Variants in ATRNL1 observed in about 807,000 individuals in gnomAD.
ATRNL1 encodes the protein attractin like 1, also known as attractin-like protein 1.
Under a neutral mutation model 182.7 loss-of-function variants are expected in ATRNL1, and 95 were observed. The ratio of observed to expected loss-of-function variants is 0.52; its 90% CI spans 0.44 to 0.62. The LOEUF (loss-of-function observed/expected upper bound fraction) is 0.62, where lower values mean the gene tolerates loss of function less well. Ranked by LOEUF, ATRNL1 falls within the 20% of genes least tolerant of loss-of-function variation. ATRNL1 has a pLI of 0.00. For synonymous variants in ATRNL1, 576 were observed against 568.3 expected (o/e 1.01, Z -0.19); for missense variants, 1,471 against 1,679.5 (o/e 0.88, Z 2.17).
At chr10:115,454,374 A>G (rs753812433) in intron 21 of ATRNL1, among the ~76,000 whole-genome samples, 1 of 151,852 alleles carries the variant, frequency 6.6e-6, no homozygotes, top group Non-Finnish European at 1.5e-5. Context: ...AATCGTTTTG[A>G]CTATTTGGGT....
At chr10:115,823,483 A>G (rs2134289203) in intron 27 of ATRNL1, among the ~76,000 whole-genome samples, 1 of 152,346 alleles carries the variant, frequency 6.6e-6, no homozygotes, top group East Asian at 1.9e-4. Flanking sequence ...AGAGGAAGTC[A>G]TATTGTCTGC....
Position 115,908,542 on chromosome 10 carries a change from G to A in ATRNL1, c.4019-36116G>A, listed in dbSNP as rs540053669. Among the ~76,000 whole-genome samples, 4 of 152,214 alleles carry A rather than the reference G, an allele frequency of 2.6e-5. No individual in the cohort carries two copies. In the South Asian group the frequency reaches 8.3e-4, roughly 32 times the overall value. On this transcript the variant is annotated intron_variant, in intron 28 of 28. Coordinates refer to ENST00000355044, the MANE Select transcript of ATRNL1 (RefSeq NM_207303.4). ...ACATTGGTCCCACCCAGGTTGTCCA[G>A]GATAATCTCTCCATCTGAAGGTCCT...
intron 26 of ATRNL1, among the ~76,000 whole-genome samples, chr10:115,587,404 C>T (rs1367453525): frequency 6.6e-5 from 10 of 151,808 alleles, no homozygotes; most frequent in African/African-American, 2.2e-4. Flanking sequence ...TGCTAGCAAT[C>T]AGTGAGACTC....
intron 25 of ATRNL1, among the ~76,000 whole-genome samples, chr10:115,521,138 TTTG>T (rs68061119): frequency 0.052 from 7,793 of 148,958 alleles, 218 homozygotes; most frequent in African/African-American, 0.065. Context: ...TAAAACAACT[TTTG>T]TTGTTGTTGT....
At chr10:115,728,351 A>G (rs2420109) in intron 27 of ATRNL1, among the ~76,000 whole-genome samples, 66,491 of 146,716 alleles carry the variant, frequency 0.45, 16,738 homozygotes, top group East Asian at 0.75. Context: ...ATTATGATTA[A>G]TGACTATTCA....
At chr10:115,389,107 C>T (rs1369968220) in intron 19 of ATRNL1, among the ~76,000 whole-genome samples, 4 of 152,082 alleles carry the variant, frequency 2.6e-5, no homozygotes, top group Non-Finnish European at 4.4e-5. Context: ...CTACTTTCTT[C>T]TTCTATGAAT....
chr10:115,273,003 T>A (rs1851939542), intron 13 of ATRNL1, among the ~76,000 whole-genome samples: 1 of 152,224 alleles, frequency 6.6e-6, no homozygotes, highest in South Asian at 2.1e-4. Context: ...AATAAATGTC[T>A]GTTTCAGTAA....
At chr10:115,118,596 C>T (rs1157924512) in intron 1 of ATRNL1, among the ~76,000 whole-genome samples, 1 of 152,038 alleles carries the variant, frequency 6.6e-6, no homozygotes, top group Non-Finnish European at 1.5e-5. Flanking sequence ...GTCATTATGT[C>T]CCAAGTCAAA....
intron 19 of ATRNL1, among the ~76,000 whole-genome samples, chr10:115,393,490 A>G (rs1445674744): frequency 1.1e-4 from 17 of 152,160 alleles, no homozygotes; most frequent in African/African-American, 3.1e-4. Flanking sequence ...TCAGGAAAAG[A>G]CCATATCATT....
chr10:115,463,345 G>C lies in ATRNL1; in HGVS notation c.3417+1310G>C, dbSNP rs1027264653. Among the ~76,000 whole-genome samples, 5 of 151,804 alleles carry C rather than the reference G, an allele frequency of 3.3e-5. No individual in the cohort carries two copies. In the East Asian group the frequency reaches 9.7e-4, roughly 29 times the overall value. The stretch of plus-strand genomic sequence containing the variant: ...TCTTGGGGAATACATTTAAAGTTTT[G>C]ACTTTTAAATAATGATTTTAAAGAT... On this transcript the variant is annotated intron_variant, in intron 22 of 28. Coordinates refer to ENST00000355044, the MANE Select transcript of ATRNL1 (RefSeq NM_207303.4).
At position 115,323,787 on chromosome 10, in the gene ATRNL1, C is replaced by CT. The variant is rs1201235148; in HGVS notation, c.3037+8060dup. 2.4e-3 allele frequency among the ~76,000 whole-genome samples: 345 copies of CT among 145,808 alleles called. 6 individuals are homozygous for CT. Among genetic ancestry groups the CT allele is most frequent in the African/African-American group, 8.3e-3 (326 of 39,506 alleles). On this transcript the variant is annotated intron_variant, in intron 18 of 28. Coordinates refer to ENST00000355044, the MANE Select transcript of ATRNL1 (RefSeq NM_207303.4). Reference sequence around the variant, plus strand: ...TAATTATTTTTGAATATTTTTGTCTCTTTTTTTTTCCTGAGACAGAGTCTC... The same window carrying CT: ...TAATTATTTTTGAATATTTTTGTCTCTTTTTTTTTTCCTGAGACAGAGTCTC...
chr10:115,287,036 C>A, intron 15 of ATRNL1, among the ~76,000 whole-genome samples: 1 of 151,806 alleles, frequency 6.6e-6, no homozygotes, highest in East Asian at 1.9e-4. Context: ...CACAAGGGAC[C>A]TCCGTATCCT....
At chr10:115,632,104 A>G (rs1455331107) in intron 26 of ATRNL1, among the ~76,000 whole-genome samples, 15 of 152,186 alleles carry the variant, frequency 9.9e-5, no homozygotes, top group Admixed American at 9.8e-4. Flanking sequence ...TTATTACTAA[A>G]AAGAAGAAGG....
chr10:115,199,898 C>G (rs1459156685), intron 8 of ATRNL1, among the ~76,000 whole-genome samples: 1 of 152,158 alleles, frequency 6.6e-6, no homozygotes, highest in Admixed American at 6.6e-5. Flanking sequence ...AAAGAGACAT[C>G]TAGAAGTCAT....
At chr10:115,926,617 G>T (rs553310971) in intron 28 of ATRNL1, among the ~76,000 whole-genome samples, 1 of 152,204 alleles carries the variant, frequency 6.6e-6, no homozygotes, top group African/African-American at 2.4e-5. Context: ...TACCATCAGA[G>T]AATACTATAA....
chr10:115,536,478 G>C (rs1345936684), intron 25 of ATRNL1, among the ~76,000 whole-genome samples: 1 of 150,312 alleles, frequency 6.7e-6, no homozygotes, highest in Non-Finnish European at 1.5e-5. Context: ...CGCAGTATTG[G>C]GGTGGGCTTG....
At chr10:115,883,257 TATCC>T (rs1951869214) in intron 28 of ATRNL1, among the ~76,000 whole-genome samples, 1 of 152,200 alleles carries the variant, frequency 6.6e-6, no homozygotes, top group Admixed American at 6.5e-5. Context: ...CTTCCCCCAC[TATCC>T]TTCCCACTCC....
At chr10:115,917,017 G>A (rs1952877283) in intron 28 of ATRNL1, among the ~76,000 whole-genome samples, 1 of 152,294 alleles carries the variant, frequency 6.6e-6, no homozygotes, top group South Asian at 2.1e-4. Context: ...GAAGAGAGCT[G>A]CTATATACAG....
intron 28 of ATRNL1, among the ~76,000 whole-genome samples, chr10:115,933,084 C>T (rs559004940): frequency 2.6e-3 from 401 of 152,304 alleles, no homozygotes; most frequent in African/African-American, 8.8e-3. Context: ...AGATTCTTCC[C>T]TTTGGCAAGC....
Sources: gnomAD v4.1 joint callset for allele counts (sites outside exome capture counted in the v4.1 genomes callset) on GRCh38, gnomAD v4.1.1 for gene constraint, MANE v1.5 for transcripts, NCBI Gene and HGNC (gene_info 2026-07-23, HGNC 2026-07-21) for gene names.